The following IDO2 variants were observed in gnomAD, a reference collection of about 807,000 sequenced individuals.
IDO2 encodes indoleamine 2,3-dioxygenase-like 1 protein.
In IDO2, 46 loss-of-function variants were observed where a neutral mutation model predicts 45.1. The observed-to-expected ratio is 1.02, with a 90% CI of 0.80 to 1.30. The LOEUF is 1.30. IDO2 is among the 50% of genes most tolerant of loss of function. IDO2 has a pLI of 0.00. For missense variants in IDO2, 544 were observed against 491.8 expected, an observed-to-expected ratio of 1.11 and a Z score of -1.00; for synonymous variants, 218 against 184.9, an observed-to-expected ratio of 1.18 and a Z score of -1.45.
Position 39,994,262 on chromosome 8 carries a change from C to CTT in IDO2, c.667+4435_667+4436dup, listed in dbSNP as rs35840300. 2.5e-3 allele frequency among the ~76,000 whole-genome samples: 351 copies of CTT among 142,434 alleles called. 1 individual carries two copies. The highest frequency in any genetic ancestry group is 5.9e-3 in the African/African-American group (230 of 38,850). The allele number at this position is 142,434 out of a possible 152,430, so 93.4% of individuals were successfully genotyped here. A position where few individuals can be genotyped will look rare whatever the true frequency, so the allele number is the denominator to read the frequency against. ...GAAGATTGTTTCTTTTTCTTTCTTT[C>CTT]TTTTTTTTTTTTGAGATGGAGTTTC... On this transcript the variant is annotated intron_variant, in intron 8 of 10. Coordinates refer to ENST00000502986, the Ensembl canonical transcript of IDO2.
intron 3 of IDO2, among the ~76,000 whole-genome samples, chr8:39,970,242 C>G (rs1808158276): frequency 6.6e-6 from 1 of 152,196 alleles, no homozygotes; most frequent in Non-Finnish European, 1.5e-5. Context: ...GAATCTGGTT[C>G]ATGAAGTATG....
At chr8:40,004,538 G>GATAC (rs1481183307) in intron 8 of IDO2, among the ~76,000 whole-genome samples, 1 of 151,432 alleles carries the variant, frequency 6.6e-6, no homozygotes, top group African/African-American at 2.4e-5. Flanking sequence ...TAGATAGATA[G>GATAC]ATAGATAGAT....
In IDO2 at chr8:39,972,917, G is replaced by A. The variant is rs577450152; in HGVS notation, c.196-6150G>A. On this transcript the variant is annotated intron_variant, in intron 3 of 10. Transcript: ENST00000502986. Reference sequence around the variant, plus strand: ...TATAAAGTACTTTATAATGTACATTGTTTTTCTAGACATAATGCTATTGCA... The same window carrying A: ...TATAAAGTACTTTATAATGTACATTATTTTTCTAGACATAATGCTATTGCA... Among the ~76,000 whole-genome samples, 7 of 152,246 alleles carry A rather than the reference G, an allele frequency of 4.6e-5. No individual in the cohort carries two copies. In the South Asian group the frequency reaches 1.5e-3, roughly 32 times the overall value.
rs1808449629 is a variant in IDO2, at chr8:39,987,984, T to G, written c.549+14T>G. The G allele has an allele frequency of 6.8e-7, 1 of 1,462,908 alleles. No homozygotes were observed. The highest frequency in any genetic ancestry group is 9.5e-7 in the Non-Finnish European group (1 of 1,052,030). 90.6% of individuals were successfully genotyped at this position (1,462,908 alleles called of 1,614,324 possible). ...CCTGGGATAAAGGTATCTTCTCACT[T>G]GATAGCACCTTTTCTTTTTAAATGA... On this transcript the variant is annotated intron_variant, in intron 7 of 10. Coordinates refer to ENST00000502986, the Ensembl canonical transcript of IDO2.
At chr8:39,980,810 C>T (rs907039869) in intron 4 of IDO2, among the ~76,000 whole-genome samples, 9 of 152,208 alleles carry the variant, frequency 5.9e-5, no homozygotes, top group Admixed American at 5.9e-4. Context: ...AGTGCAGTGG[C>T]GTGATCTCGG....
At chr8:39,952,014 T>A (rs2129593436) in intron 2 of IDO2, among the ~76,000 whole-genome samples, 1 of 152,390 alleles carries the variant, frequency 6.6e-6, no homozygotes, top group South Asian at 2.1e-4. Flanking sequence ...AAAGTGGTTT[T>A]ACTGTGTTAT....
intron 8 of IDO2, among the ~76,000 whole-genome samples, chr8:39,996,358 C>T (rs1187269496): frequency 6.6e-6 from 1 of 152,196 alleles, no homozygotes; most frequent in East Asian, 1.9e-4. Context: ...GAAGTAATGG[C>T]GTAAGCTGTC....
chr8:39,947,585 T>C (rs183566587), intron 1 of IDO2, among the ~76,000 whole-genome samples: 2 of 152,272 alleles, frequency 1.3e-5, no homozygotes, highest in Admixed American at 1.3e-4. Flanking sequence ...TGCTAGCCAA[T>C]TGGGACAAAT....
chr8:39,993,436 A>T (rs1332524918), intron 8 of IDO2, among the ~76,000 whole-genome samples: 1 of 152,136 alleles, frequency 6.6e-6, no homozygotes, highest in East Asian at 1.9e-4. Context: ...TTTTAGCAGT[A>T]ATGAGGAGTC....
intron 5 of IDO2, among the ~76,000 whole-genome samples, chr8:39,983,952 C>T (rs1808388086): frequency 1.3e-5 from 2 of 151,830 alleles, no homozygotes; most frequent in South Asian, 4.1e-4. Context: ...TTTATGTTTT[C>T]TGCAATTATG....
intron 8 of IDO2, among the ~76,000 whole-genome samples, chr8:40,001,244 C>CTTT (rs1585418536): frequency 2.0e-5 from 2 of 97,850 alleles, no homozygotes; most frequent in Non-Finnish European, 2.0e-5. Context: ...TGGCTTTCCT[C>CTTT]ATTTTTTTTT....
rs552871179 is a variant in IDO2 at position 39,937,471 on chromosome 8, G to A, written c.-18+2253G>A. Among the ~76,000 whole-genome samples the A allele has an allele frequency of 2.0e-5, 3 of 151,680 alleles. No homozygotes were observed. In the East Asian group the frequency reaches 5.8e-4, roughly 29 times the overall value. On this transcript the variant is annotated intron_variant, in intron 1 of 10. Transcript: ENST00000502986. ...GGAATGAACTTTATGTAATGTAACTGTCTATTTCAGGAAGCTTTTCTATGA... is the reference window on the plus strand; with the variant it reads ...GGAATGAACTTTATGTAATGTAACTATCTATTTCAGGAAGCTTTTCTATGA...
chr8:39,955,214 A>C (rs1162055660), intron 2 of IDO2, among the ~76,000 whole-genome samples: 1 of 148,850 alleles, frequency 6.7e-6, no homozygotes, highest in Admixed American at 6.9e-5. Context: ...ATATTAACCA[A>C]TATAAACCAA....
chr8:39,962,681 A>C (rs1808017721), intron 2 of IDO2, among the ~76,000 whole-genome samples: 1 of 152,158 alleles, frequency 6.6e-6, no homozygotes, highest in Non-Finnish European at 1.5e-5. Flanking sequence ...CTCCCACCTC[A>C]CAATGGAGCA....
chr8:40,012,781 G>C (rs575191061), intron 9 of IDO2, among the ~76,000 whole-genome samples: 2 of 152,114 alleles, frequency 1.3e-5, no homozygotes, highest in Non-Finnish European at 2.9e-5. Flanking sequence ...ATGGAGGAGA[G>C]GAGAACAGCT....
intron 8 of IDO2, 141 bp downstream of exon 8, chr8:39,989,979 T>C (rs915067860): frequency 1.7e-6 from 1 of 589,824 alleles, no homozygotes; most frequent in Non-Finnish European, 3.0e-6. Context: ...ACTATCTTTG[T>C]TTTAGGTTAA....
At chr8:39,999,971 T>C (rs1802109365) in intron 8 of IDO2, among the ~76,000 whole-genome samples, 1 of 152,208 alleles carries the variant, frequency 6.6e-6, no homozygotes, top group Non-Finnish European at 1.5e-5. Context: ...TTAGATACCT[T>C]GTTGAACTTC....
intron 3 of IDO2, among the ~76,000 whole-genome samples, chr8:39,978,225 T>C (rs1164584721): frequency 6.6e-6 from 1 of 152,036 alleles, no homozygotes; most frequent in East Asian, 1.9e-4. Flanking sequence ...GCCTGGAGAT[T>C]AAAAGGACAA....
intron 8 of IDO2, among the ~76,000 whole-genome samples, chr8:39,994,872 T>TA (rs1174512478): frequency 6.6e-6 from 1 of 152,164 alleles, no homozygotes; most frequent in Non-Finnish European, 1.5e-5. Flanking sequence ...CTCCTCACTT[T>TA]AAAAAAGAAA....
Sources: gnomAD v4.1 joint callset for allele counts (sites outside exome capture counted in the v4.1 genomes callset) on GRCh38, gnomAD v4.1.1 for gene constraint, MANE v1.5 for transcripts, NCBI Gene and HGNC (gene_info 2026-07-23, HGNC 2026-07-21) for gene names.